The following EPB41 variants were observed in gnomAD, a reference collection of about 807,000 sequenced individuals.
EPB41 encodes protein 4.1.
In EPB41, 65 loss-of-function variants were observed where a neutral mutation model predicts 108.0. That is an observed-to-expected ratio of 0.60 (90% CI 0.49 to 0.74). The LOEUF (loss-of-function observed/expected upper bound fraction) is 0.74, where lower values mean the gene tolerates loss of function less well. Ranked by LOEUF, EPB41 falls within the 30% of genes least tolerant of loss-of-function variation. The pLI, the probability that EPB41 is intolerant of heterozygous loss-of-function variation, is 0.00. For synonymous variants in EPB41, 336 were observed against 358.9 expected (o/e 0.94, Z 0.72); for missense variants, 875 against 1,037.0 (o/e 0.84, Z 2.15).
At chr1:29,014,974 C>T (rs866677811) in intron 5 of EPB41, among the ~76,000 whole-genome samples, 6 of 150,954 alleles carry the variant, frequency 4.0e-5, no homozygotes, top group Non-Finnish European at 8.9e-5. Context: ...AGGGAGACCC[C>T]GTCTCTACAA....
intron 1 of EPB41, among the ~76,000 whole-genome samples, chr1:28,931,962 A>G (rs1428519896): frequency 6.6e-6 from 1 of 152,208 alleles, no homozygotes; most frequent in African/African-American, 2.4e-5. Context: ...CAGTAAATCT[A>G]CTTCTGCATA....
At chr1:29,095,992 G>A (rs1663085310) in intron 16 of EPB41, among the ~76,000 whole-genome samples, 1 of 152,156 alleles carries the variant, frequency 6.6e-6, no homozygotes, top group Non-Finnish European at 1.5e-5. Flanking sequence ...ATAATGTGTA[G>A]TGAACAGCAG....
chr1:29,104,567 CACT>C (rs1666504570), intron 17 of EPB41, among the ~76,000 whole-genome samples: 1 of 152,006 alleles, frequency 6.6e-6, no homozygotes, highest in Admixed American at 6.6e-5. Flanking sequence ...AGGCGCACAC[CACT>C]ACATGTGACT....
intron 7 of EPB41, among the ~76,000 whole-genome samples, chr1:29,021,699 C>T (rs1294832898): frequency 2.6e-5 from 4 of 151,842 alleles, no homozygotes; most frequent in Non-Finnish European, 4.4e-5. Flanking sequence ...TCTCCTGCCT[C>T]GGCCTCCTGA....
At chr1:29,068,639 T>C in intron 16 of EPB41, 1 of 740,268 alleles carries the variant, frequency 1.4e-6, no homozygotes, top group Non-Finnish European at 1.9e-6. Context: ...ATTGGGATAC[T>C]ATTTCCATTC....
intron 1 of EPB41, among the ~76,000 whole-genome samples, chr1:28,930,998 A>C (rs2093713970): frequency 6.6e-6 from 1 of 152,212 alleles, no homozygotes; most frequent in Non-Finnish European, 1.5e-5. Context: ...CAGAATACTT[A>C]TCAACAGAGA....
At chr1:29,030,936 C>T (rs1457684537) in intron 8 of EPB41, among the ~76,000 whole-genome samples, 1 of 152,016 alleles carries the variant, frequency 6.6e-6, no homozygotes, top group Non-Finnish European at 1.5e-5. Context: ...CATTCTCCTG[C>T]CTCAGCCTCC....
intron 1 of EPB41, among the ~76,000 whole-genome samples, chr1:28,890,292 C>A (rs1968880): frequency 0.011 from 1,740 of 152,212 alleles, 39 homozygotes; most frequent in African/African-American, 0.04. Context: ...CCCACCTCGG[C>A]CTCCCAAAGT....
intron 1 of EPB41, among the ~76,000 whole-genome samples, chr1:28,968,169 C>T (rs2095408588): frequency 6.6e-6 from 1 of 151,894 alleles, no homozygotes; most frequent in African/African-American, 2.4e-5. Context: ...CCATCCTGGC[C>T]AACATGGTGA....
At chr1:29,096,993 T>C (rs906732619) in intron 16 of EPB41, 1 of 152,226 alleles carries the variant, frequency 6.6e-6, no homozygotes, top group Non-Finnish European at 1.5e-5. Flanking sequence ...CATCTTCTTA[T>C]GAGATTTCAG....
At chr1:28,925,915 T>A (rs919717871) in intron 1 of EPB41, among the ~76,000 whole-genome samples, 2 of 152,130 alleles carry the variant, frequency 1.3e-5, no homozygotes, top group African/African-American at 4.8e-5. Context: ...ACTCTGTTTA[T>A]ATATGTGATC....
chr1:29,094,477 C>T (rs767795097), intron 16 of EPB41, among the ~76,000 whole-genome samples: 1 of 151,924 alleles, frequency 6.6e-6, no homozygotes, highest in Non-Finnish European at 1.5e-5. Flanking sequence ...GGTTTTGCCA[C>T]GTTGGCCAGG....
intron 16 of EPB41, among the ~76,000 whole-genome samples, chr1:29,067,759 A>T (rs1006584510): frequency 6.6e-6 from 1 of 152,154 alleles, no homozygotes. Context: ...AACAGAGCTG[A>T]ACAGTTTCAC....
chr1:29,011,005 C>G (rs1277899158), intron 4 of EPB41, among the ~76,000 whole-genome samples: 1 of 151,734 alleles, frequency 6.6e-6, no homozygotes, highest in Non-Finnish European at 1.5e-5. Flanking sequence ...GTAATCCCAG[C>G]TACTCAGGAG....
chr1:29,030,358 A>T (rs780431728), intron 7 of EPB41, 42 bp from the exon 8 acceptor site: 74 of 1,447,048 alleles, frequency 5.1e-5, no homozygotes, highest in Non-Finnish European at 7.1e-5. Flanking sequence ...AAATGATGAC[A>T]CTATAACACT....
At chr1:29,071,441 A>C (rs942506356) in intron 16 of EPB41, 1 of 152,222 alleles carries the variant, frequency 6.6e-6, no homozygotes, top group African/African-American at 2.4e-5. Flanking sequence ...TCTCTGAATT[A>C]AGATACTGTG....
intron 1 of EPB41, among the ~76,000 whole-genome samples, chr1:28,950,419 C>G (rs773766208): frequency 6.6e-6 from 1 of 152,170 alleles, no homozygotes; most frequent in Non-Finnish European, 1.5e-5. Flanking sequence ...CACAATCAGG[C>G]TTTATATATA....
intron 11 of EPB41, among the ~76,000 whole-genome samples, chr1:29,040,694 A>G (rs1641156205): frequency 6.6e-6 from 1 of 152,154 alleles, no homozygotes; most frequent in Non-Finnish European, 1.5e-5. Context: ...GAAATACACA[A>G]ATTTCGTGAT....
intron 16 of EPB41, chr1:29,069,248 G>A (rs1650052554): frequency 8.1e-7 from 1 of 1,231,604 alleles, no homozygotes. Context: ...GATCAGAGAA[G>A]GCTAGCTCAA....
Sources: allele counts gnomAD v4.1 joint callset (sites outside exome capture counted in the v4.1 genomes callset), GRCh38; gene constraint gnomAD v4.1.1; transcripts MANE v1.5; gene names NCBI Gene and HGNC (gene_info 2026-07-23, HGNC 2026-07-21).